ALK: variants seen among roughly 807,000 people sequenced by gnomAD.
ALK encodes ALK receptor tyrosine kinase, also known as ALK tyrosine kinase receptor.
In ALK, 74 loss-of-function variants were observed where a neutral mutation model predicts 163.1. That is an observed-to-expected ratio of 0.45 (90% CI 0.38 to 0.55). The LOEUF is 0.55. Among genes scored for constraint, ALK ranks in the 20% least tolerant of loss-of-function variants. The probability of loss-of-function intolerance (pLI) is 0.00; values close to 1 mark genes in which losing one functional copy is unlikely to be tolerated. For synonymous variants in ALK, 960 were observed against 843.2 expected, an observed-to-expected ratio of 1.14 and a Z score of -2.40; for missense variants, 2,063 against 2,105.3, an observed-to-expected ratio of 0.98 and a Z score of 0.39.
At position 29,225,553 on chromosome 2, in the gene ALK, G is replaced by A. The variant is rs140733978; in HGVS notation, c.3080C>T (p.Pro1027Leu). 178 of 1,608,784 alleles carry A rather than the reference G, an allele frequency of 1.1e-4. No individual in the cohort carries two copies. In the African/African-American group the frequency reaches 1.2e-3, roughly 11 times the overall value. The change falls in exon 19 of 29, where the codon CCG (proline) becomes CTG (leucine). Residue 1027 changes from proline (P) to leucine (L), a missense_variant. By Grantham distance (98) the Pro-to-Leu change is moderately conservative. Around this residue, in one of 5 missense-constraint regions of ALK, gnomAD observed 575 missense variants for 626.6 expected, o/e 0.92. Transcript: ENST00000389048. ...CAGCGAGAGTGGCAGGTGTGGCTCC[G>A]GGGTGGGTGACACTGGAAGACAGGT... is the stretch of plus-strand genomic sequence containing the variant. ...DGVSCIVSPTPEPHLPLSLIL... is the reference protein window; with the variant it reads ...DGVSCIVSPTLEPHLPLSLIL...
At chr2:29,703,037 G>A (rs1396776164) in intron 2 of ALK, among the ~76,000 whole-genome samples, 1 of 152,184 alleles carries the variant, frequency 6.6e-6, no homozygotes, top group Non-Finnish European at 1.5e-5. Flanking sequence ...AGTTTCTGTG[G>A]CCATCAGGAT....
intron 1 of ALK, among the ~76,000 whole-genome samples, chr2:29,790,532 T>C (rs1664162582): frequency 6.6e-6 from 1 of 152,202 alleles, no homozygotes. Context: ...ACTTTATTTC[T>C]AAAATGTTAC....
chr2:29,763,205 A>G lies in ALK; in HGVS notation c.668-45508T>C, dbSNP rs751132594. ...AGTTGTAAACCTTTGCCAGACCTCAATTTCTTCATCTGTACAATGAGAATA... is the reference window on the plus strand; with the variant it reads ...AGTTGTAAACCTTTGCCAGACCTCAGTTTCTTCATCTGTACAATGAGAATA... On this transcript the variant is annotated intron_variant, in intron 1 of 28. Coordinates refer to ENST00000389048, the MANE Select transcript of ALK (RefSeq NM_004304.5). Among the ~76,000 whole-genome samples the G allele has an allele frequency of 2.0e-3, 298 of 152,250 alleles. 1 individual carries two copies. Among genetic ancestry groups the G allele is most frequent in the Non-Finnish European group, 3.1e-3 (209 of 68,032 alleles).
At chr2:29,745,692 C>G (rs1411069514) in intron 1 of ALK, among the ~76,000 whole-genome samples, 2 of 152,224 alleles carry the variant, frequency 1.3e-5, no homozygotes, top group Non-Finnish European at 2.9e-5. Flanking sequence ...CCCCGCTTAG[C>G]AGCATGTCCC....
chr2:29,339,648 C>T (rs778098713), intron 5 of ALK, among the ~76,000 whole-genome samples: 13 of 152,162 alleles, frequency 8.5e-5, no homozygotes, highest in South Asian at 2.1e-4. Flanking sequence ...CTGTTGTAAC[C>T]GACCAAGCAA....
At chr2:29,583,039 TTTG>T (rs1302925258) in intron 3 of ALK, among the ~76,000 whole-genome samples, 1 of 103,848 alleles carries the variant, frequency 9.6e-6, no homozygotes, top group Admixed American at 9.1e-5. Flanking sequence ...ACTTTTGTTT[TTTG>T]TTTTTTTGTT....
At chr2:29,261,439 C>G (rs1490568376) in intron 11 of ALK, among the ~76,000 whole-genome samples, 1 of 151,650 alleles carries the variant, frequency 6.6e-6, no homozygotes, top group African/African-American at 2.4e-5. Flanking sequence ...TTCCCAGAAT[C>G]CTAGAAACAT....
intron 5 of ALK, among the ~76,000 whole-genome samples, chr2:29,379,832 C>G (rs1030208066): frequency 5.3e-5 from 8 of 152,142 alleles, no homozygotes; most frequent in African/African-American, 1.9e-4. Flanking sequence ...ATAAGACACA[C>G]AGCTGGGAAT....
intron 5 of ALK, among the ~76,000 whole-genome samples, chr2:29,352,897 G>A (rs752821939): frequency 1.3e-5 from 2 of 152,214 alleles, no homozygotes; most frequent in Non-Finnish European, 2.9e-5. Context: ...CCTACAAGCT[G>A]TCATTGTTCA....
At chr2:29,697,676 AG>A (rs1678613772) in intron 2 of ALK, among the ~76,000 whole-genome samples, 1 of 152,246 alleles carries the variant, frequency 6.6e-6, no homozygotes, top group African/African-American at 2.4e-5. Flanking sequence ...AGACAATATG[AG>A]GAATTCAGTT....
intron 5 of ALK, among the ~76,000 whole-genome samples, chr2:29,355,758 C>T (rs953224079): frequency 2.6e-5 from 4 of 152,118 alleles, no homozygotes; most frequent in African/African-American, 7.2e-5. Flanking sequence ...CTCTTTTCTG[C>T]TTGCTCCACA....
At chr2:29,252,119 G>A (rs1320693867) in intron 11 of ALK, among the ~76,000 whole-genome samples, 1 of 151,628 alleles carries the variant, frequency 6.6e-6, no homozygotes, top group South Asian at 2.1e-4. Flanking sequence ...CCCACCCAAC[G>A]TCCCTAGGTG....
At chr2:29,270,085 C>G (rs566814463) in intron 11 of ALK, among the ~76,000 whole-genome samples, 3 of 151,612 alleles carry the variant, frequency 2.0e-5, no homozygotes, top group Non-Finnish European at 2.9e-5. Context: ...AGATCCCTCT[C>G]GAAGACCTAT....
At chr2:29,827,772 C>G (rs1457910954) in intron 1 of ALK, among the ~76,000 whole-genome samples, 1 of 152,198 alleles carries the variant, frequency 6.6e-6, no homozygotes, top group East Asian at 1.9e-4. Flanking sequence ...ATGCCATCCC[C>G]ATCAAGCTAC....
At chr2:29,826,494 C>G (rs1332109592) in intron 1 of ALK, among the ~76,000 whole-genome samples, 1 of 151,880 alleles carries the variant, frequency 6.6e-6, no homozygotes, top group African/African-American at 2.4e-5. Context: ...CAGTCTCTCT[C>G]TCTCTGTCTC....
chr2:29,768,652 A>G (rs1192369747), intron 1 of ALK, among the ~76,000 whole-genome samples: 1 of 152,038 alleles, frequency 6.6e-6, no homozygotes, highest in Non-Finnish European at 1.5e-5. Context: ...ATTACTTGAT[A>G]TCTAAACTAT....
intron 26 of ALK, among the ~76,000 whole-genome samples, chr2:29,199,555 C>G (rs1276963564): frequency 6.6e-6 from 1 of 152,190 alleles, no homozygotes; most frequent in Non-Finnish European, 1.5e-5. Flanking sequence ...TACCCATTGA[C>G]TCACGATTAA....
At chr2:29,876,941 TC>T (rs1269753742) in intron 1 of ALK, among the ~76,000 whole-genome samples, 1 of 152,196 alleles carries the variant, frequency 6.6e-6, no homozygotes, top group Non-Finnish European at 1.5e-5. Context: ...TGTCCATCCT[TC>T]CATCTTTCTT....
chr2:29,759,294 G>A (rs1239335465), intron 1 of ALK, among the ~76,000 whole-genome samples: 2 of 152,178 alleles, frequency 1.3e-5, no homozygotes, highest in Non-Finnish European at 2.9e-5. Flanking sequence ...TTAGCTAACT[G>A]TATGTTGGCT....
Sources: gnomAD v4.1 joint callset for allele counts (sites outside exome capture counted in the v4.1 genomes callset) on GRCh38, gnomAD v4.1.1 for gene constraint, gnomAD v4.1.1 regional missense constraint, MANE v1.5 for transcripts, NCBI Gene and HGNC (gene_info 2026-07-23, HGNC 2026-07-21) for gene names.